TRPM2: variants seen among roughly 807,000 people sequenced by gnomAD.
TRPM2 encodes the protein transient receptor potential cation channel subfamily M member 2.
Under a neutral mutation model 174.0 loss-of-function variants are expected in TRPM2, and 161 were observed. The ratio of observed to expected loss-of-function variants is 0.93; its 90% CI spans 0.81 to 1.05. TRPM2 has a LOEUF of 1.05. Among genes scored for constraint, TRPM2 ranks in the 50% least tolerant of loss-of-function variants. The pLI, the probability that TRPM2 is intolerant of heterozygous loss-of-function variation, is 0.00. For missense variants in TRPM2, 2,057 were observed against 2,038.0 expected (o/e 1.01, Z -0.18); for synonymous variants, 954 against 861.3 (o/e 1.11, Z -1.88).
intron 28 of TRPM2, among the ~76,000 whole-genome samples, chr21:44,435,646 CCA>C (rs2051218887): frequency 7.8e-6 from 1 of 128,582 alleles, no homozygotes; most frequent in African/African-American, 3.0e-5. Flanking sequence ...CCCCTCAGAC[CCA>C]CTCTCCACAC....
At chr21:44,404,646 A>G (rs563485815) in intron 16 of TRPM2, among the ~76,000 whole-genome samples, 1 of 152,156 alleles carries the variant, frequency 6.6e-6, no homozygotes, top group South Asian at 2.1e-4. Flanking sequence ...CAGTGATGAT[A>G]GTGACGGTGA....
chr21:44,394,885 G>A (rs2049293500), intron 11 of TRPM2, among the ~76,000 whole-genome samples: 1 of 152,200 alleles, frequency 6.6e-6, no homozygotes. Flanking sequence ...AGCTACCTGA[G>A]TACGTGTTTC....
At position 44,377,787 on chromosome 21, in the gene TRPM2, G is replaced by C. The variant is rs760547852; in HGVS notation, c.1014+14G>C. 6.2e-7 allele frequency: 1 copy of C among 1,613,892 alleles called. No individual in the cohort carries two copies. Among genetic ancestry groups the C allele is most frequent in the Non-Finnish European group, 8.5e-7 (1 of 1,179,952 alleles). On this transcript the variant is annotated intron_variant, in intron 7 of 31. Transcript: ENST00000397928. Reference sequence around the variant, plus strand: ...GGCACGTTGCACGTGAGTATGGCCAGGTGGGAGGGGGCATGTGTGGGCCCG... The same window carrying C: ...GGCACGTTGCACGTGAGTATGGCCACGTGGGAGGGGGCATGTGTGGGCCCG...
chr21:44,375,073 G>A (rs988986445), intron 5 of TRPM2, among the ~76,000 whole-genome samples: 16 of 152,212 alleles, frequency 1.1e-4, no homozygotes, highest in African/African-American at 2.6e-4. Context: ...CACCATGCCC[G>A]GCTAATTTTT....
At chr21:44,437,261 C>T (rs2051310157) in intron 29 of TRPM2, 94 bp downstream of exon 29, 1 of 1,078,808 alleles carries the variant, frequency 9.3e-7, no homozygotes, top group South Asian at 1.4e-5. Context: ...ACACCAGCCC[C>T]CTGCAGCCCC....
Position 44,382,752 on chromosome 21 carries a change from C to A in TRPM2, c.1250C>A (p.Thr417Asn). 1 of 1,614,108 alleles carries A rather than the reference C, an allele frequency of 6.2e-7. No individual in the cohort carries two copies. The highest frequency in any genetic ancestry group is 8.5e-7 in the Non-Finnish European group (1 of 1,180,030). The change falls in exon 9 of 32, where the codon ACT (threonine) becomes AAT (asparagine). Residue 417 changes from threonine to asparagine, a missense_variant. Transcript: ENST00000397928. ...QDIVRRRQLL[T>N]VFREGKDGQQ... ...ATCGTCCGGAGGCGGCAGCTGCTGACTGTCTTCCGGGAAGGCAAGGATGGT... is the reference window on the plus strand; with the variant it reads ...ATCGTCCGGAGGCGGCAGCTGCTGAATGTCTTCCGGGAAGGCAAGGATGGT...
At chr21:44,418,320 T>C (rs1015767774) in intron 21 of TRPM2, 103 bp from the exon 22 acceptor site, 2 of 1,501,536 alleles carry the variant, frequency 1.3e-6, no homozygotes, top group Admixed American at 4.1e-5. Context: ...TTCCTGCCAC[T>C]CAGGACTGGC....
At chr21:44,433,772 G>C (rs929114001) in intron 27 of TRPM2, among the ~76,000 whole-genome samples, 14 of 152,216 alleles carry the variant, frequency 9.2e-5, no homozygotes, top group African/African-American at 3.1e-4. Context: ...AGGGCTGTCT[G>C]AGAGGCCTGG....
intron 9 of TRPM2, among the ~76,000 whole-genome samples, chr21:44,383,397 G>A (rs765780300): frequency 4.6e-5 from 7 of 152,206 alleles, no homozygotes; most frequent in African/African-American, 9.6e-5. Flanking sequence ...CCTCCCGCCC[G>A]ATGCTGGGCT....
chr21:44,437,147 G>A lies in TRPM2; in HGVS notation c.4147G>A (p.Glu1383Lys), dbSNP rs1479349948. 15 of 1,551,284 alleles carry A rather than the reference G, an allele frequency of 9.7e-6. No homozygotes were observed. The highest frequency in any genetic ancestry group is 1.4e-5 in the African/African-American group (1 of 73,152). ...EVLVVKLPLS[E>K]HWALPGGSRE... ...GCTGGTGGTGAAGCTCCCTCTCTCC[G>A]AGCACTGGGCCCTGCCTGGGGTAAG... is the stretch of plus-strand genomic sequence containing the variant. The change falls in exon 29 of 32, where the codon GAG (glutamate) becomes AAG (lysine). Residue 1383 changes from glutamate (E) to lysine (K), a missense_variant. Coordinates refer to ENST00000397928, the MANE Select transcript of TRPM2 (RefSeq NM_003307.4).
rs1273466779 is a variant in TRPM2, at chr21:44,390,974, T to C, written c.1389T>C (p.Asn463=). 37 of 1,614,104 alleles carry C rather than the reference T, an allele frequency of 2.3e-5. No individual in the cohort carries two copies. Among genetic ancestry groups the C allele is most frequent in the Non-Finnish European group, 3.1e-5 (36 of 1,180,018 alleles). Residue 463 remains asparagine (N), a synonymous_variant, in exon 10 of 32, where the codon AAT becomes AAC. Coordinates refer to ENST00000397928, the MANE Select transcript of TRPM2 (RefSeq NM_003307.4). ...DHQLKLAVAW[N]RVDIARSEIF... is the part of the protein sequence containing the mutation. Reference sequence around the variant, plus strand: ...AGCTGAAACTGGCAGTGGCATGGAATCGCGTGGACATTGCCCGCAGTGAGA... The same window carrying C: ...AGCTGAAACTGGCAGTGGCATGGAACCGCGTGGACATTGCCCGCAGTGAGA...
At chr21:44,404,273 AATGT>A (rs1712766728) in intron 16 of TRPM2, among the ~76,000 whole-genome samples, 3 of 151,676 alleles carry the variant, frequency 2.0e-5, no homozygotes, top group African/African-American at 7.3e-5. Flanking sequence ...AATACATGCA[AATGT>A]ATGTGCATAC....
rs368203550 is a variant in TRPM2 at position 44,391,533 on chromosome 21, C to G, written c.1702C>G (p.Leu568Val). Residue 568 changes from leucine to valine, a missense_variant, in exon 11 of 32, where the codon CTG becomes GTG. Transcript: ENST00000397928. The surrounding 1 kb of genome is among the most constrained non-coding windows in gnomAD (Gnocchi z 5.0). ...MHHVAQVLRE[L>V]LGDFTQPLYP... ...CCACGTGGCCCAGGTGCTGCGGGAG[C>G]TGCTGGGGGACTTCACGCAGCCGCT... 1 of 1,605,178 alleles carries G rather than the reference C, an allele frequency of 6.2e-7. No homozygotes were observed. Among genetic ancestry groups the G allele is most frequent in the African/African-American group, 1.3e-5 (1 of 74,968 alleles).
Position 44,377,721 on chromosome 21 carries a change from T to C in TRPM2, c.962T>C (p.Ile321Thr). ...TGTGTGCTTTTTCTAGGTGTGGCCA[T>C]CAAGATCCCCATCGTGTGCGTGGTG... ...EQTKERGGVA[I>T]KIPIVCVVLE... The change falls in exon 7 of 32, where the codon ATC (isoleucine) becomes ACC (threonine). Residue 321 changes from isoleucine (I) to threonine (T), a missense_variant. By Grantham distance (89) the Ile-to-Thr change is moderately conservative (BLOSUM62 -1). Transcript: ENST00000397928. The C allele has an allele frequency of 6.2e-7, 1 of 1,614,132 alleles. No homozygotes were observed. Among genetic ancestry groups the C allele is most frequent in the Non-Finnish European group, 8.5e-7 (1 of 1,180,024 alleles).
At chr21:44,373,688 G>C (rs1453065238) in intron 5 of TRPM2, among the ~76,000 whole-genome samples, 1 of 152,124 alleles carries the variant, frequency 6.6e-6, no homozygotes, top group African/African-American at 2.4e-5. Flanking sequence ...CATTTTGTCT[G>C]TCAGTTTTTC....
chr21:44,410,913 GTAGCCTTGTAGTAAGTTTTGACCT>G (rs2050087954), intron 19 of TRPM2, among the ~76,000 whole-genome samples: 1 of 144,938 alleles, frequency 6.9e-6, no homozygotes, highest in Non-Finnish European at 1.5e-5. Context: ...CTTGGTTGGC[GTAGCCTTGTAGTAAGTTTTGACCT>G]CACTGTCTTG....
Position 44,405,375 on chromosome 21 carries a change from C to T in TRPM2, c.2657+115C>T, listed in dbSNP as rs143090331. On this transcript the variant is annotated intron_variant, in intron 17 of 31. Coordinates refer to ENST00000397928, the MANE Select transcript of TRPM2 (RefSeq NM_003307.4). ...GGGTGAGGCTCAGCTCGTCTGTGAA[C>T]CCTGGATTGTCATCTGTCCAATGGG... is the stretch of plus-strand genomic sequence containing the variant. 6.0e-5 allele frequency: 88 copies of T among 1,477,862 alleles called. No homozygotes were observed. In the African/African-American group the frequency reaches 8.2e-4, roughly 14 times the overall value. 91.5% of individuals were successfully genotyped at this position (1,477,862 alleles called of 1,614,324 possible).
chr21:44,434,926 G>A (rs1006560026), intron 27 of TRPM2, among the ~76,000 whole-genome samples: 1 of 152,112 alleles, frequency 6.6e-6, no homozygotes, highest in Non-Finnish European at 1.5e-5. Context: ...GTGACCCCGA[G>A]TTAACCCAGA....
At chr21:44,370,378 T>G (rs2048499552) in intron 5 of TRPM2, among the ~76,000 whole-genome samples, 1 of 152,178 alleles carries the variant, frequency 6.6e-6, no homozygotes, top group African/African-American at 2.4e-5. Context: ...GACGGAGCAC[T>G]CCTGCCTCTG....
Sources: allele counts gnomAD v4.1 joint callset (sites outside exome capture counted in the v4.1 genomes callset), GRCh38; gene constraint gnomAD v4.1.1; non-coding constraint Gnocchi (gnomAD v3.1); transcripts MANE v1.5; gene names NCBI Gene and HGNC (gene_info 2026-07-23, HGNC 2026-07-21).